The following RHOH variants were observed in gnomAD, a reference collection of about 807,000 sequenced individuals.
The protein encoded by RHOH is rho-related GTP-binding protein RhoH.
RHOH carries 6 observed loss-of-function variants against 13.8 expected under a neutral mutation model. That is an observed-to-expected ratio of 0.44 (90% CI 0.24 to 0.86). RHOH has a LOEUF of 0.86. RHOH is among the 40% of genes least tolerant of loss of function. The pLI is 0.24. For synonymous variants in RHOH, 117 were observed against 103.0 expected (o/e 1.14, Z -0.82); for missense variants, 147 against 244.5 (o/e 0.60, Z 2.66).
chr4:40,244,399 G>C lies in RHOH; in HGVS notation c.*437G>C. 4.4e-6 allele frequency: 1 copy of C among 227,084 alleles called. No homozygotes were observed. Among genetic ancestry groups the C allele is most frequent in the Non-Finnish European group, 9.5e-6 (1 of 105,204 alleles). 14.1% of individuals were successfully genotyped at this position (227,084 alleles called of 1,614,324 possible). On this transcript the variant is annotated 3_prime_UTR_variant, in exon 3 of 3. Transcript: ENST00000381799. ...AAACTCCTCTGTGAGTGAAATGCTT[G>C]TACGAAGCTCTGCCATATGTTTGTA...
intron 1 of RHOH, among the ~76,000 whole-genome samples, chr4:40,219,154 G>C (rs1726232089): frequency 6.6e-6 from 1 of 152,134 alleles, no homozygotes; most frequent in Non-Finnish European, 1.5e-5. Flanking sequence ...GCTCACGCCT[G>C]TAATCCTAGC....
intron 1 of RHOH, among the ~76,000 whole-genome samples, chr4:40,234,760 T>G (rs961445276): frequency 2.0e-5 from 3 of 146,500 alleles, no homozygotes; most frequent in Admixed American, 6.9e-5. Flanking sequence ...TTTTTTTTTT[T>G]TTTTTTTTTT....
In RHOH at chr4:40,244,156, C is replaced by A. The variant is rs1374961784; in HGVS notation, c.*194C>A. 4.3e-6 allele frequency: 2 copies of A among 467,208 alleles called. No homozygotes were observed. The highest frequency in any genetic ancestry group is 6.5e-5 in the East Asian group (2 of 30,768). The allele number at this position is 467,208 out of a possible 1,614,324, so 28.9% of individuals were successfully genotyped here. A position where few individuals can be genotyped will look rare whatever the true frequency, so the allele number is the denominator to read the frequency against. On this transcript the variant is annotated 3_prime_UTR_variant, in exon 3 of 3. Transcript: ENST00000381799. Reference sequence around the variant, plus strand: ...CTACACTCTACAAGTGAACTCCTTGCCCAGGCCAGTTAGAAAATCCCTTGG... The same window carrying A: ...CTACACTCTACAAGTGAACTCCTTGACCAGGCCAGTTAGAAAATCCCTTGG...
intron 1 of RHOH, among the ~76,000 whole-genome samples, chr4:40,225,317 C>T (rs1038828856): frequency 6.6e-6 from 1 of 152,058 alleles, no homozygotes; most frequent in African/African-American, 2.4e-5. Context: ...AACTCCTGGC[C>T]TTGAGCAATC....
intron 1 of RHOH, among the ~76,000 whole-genome samples, chr4:40,217,540 C>T (rs919368724): frequency 1.1e-4 from 17 of 152,202 alleles, no homozygotes; most frequent in African/African-American, 2.6e-4. Context: ...ATCAGGATTA[C>T]GTTGCACATA....
chr4:40,228,571 G>T lies in RHOH; in HGVS notation c.-330-14143G>T, dbSNP rs781591389. Among the ~76,000 whole-genome samples the T allele has an allele frequency of 9.9e-5, 15 of 152,170 alleles. 1 individual carries two copies. Among genetic ancestry groups the T allele is most frequent in the East Asian group, 5.8e-4 (3 of 5,176 alleles). ...GGTTGGTGGTTCTGGGGTTGGGGAT[G>T]GGGGGAACCTTGAGATGTGATGGTT... On this transcript the variant is annotated intron_variant, in intron 1 of 2. Transcript: ENST00000381799.
chr4:40,213,378 C>G (rs982548922), intron 1 of RHOH, among the ~76,000 whole-genome samples: 10 of 148,734 alleles, frequency 6.7e-5, no homozygotes, highest in African/African-American at 2.5e-4. Context: ...TTTTTTCTCT[C>G]TCTCTCTCTC....
chr4:40,199,203 T>C (rs1723630282), intron 1 of RHOH, among the ~76,000 whole-genome samples: 1 of 152,054 alleles, frequency 6.6e-6, no homozygotes, highest in Admixed American at 6.5e-5. Flanking sequence ...TAAAAATATG[T>C]AAAGCATGTA....
rs1398653997 is a variant in RHOH at position 40,243,464 on chromosome 4, C to T, written c.78C>T (p.Ser26=). The change falls in exon 3 of 3, where the codon TCC becomes TCT. Residue 26 remains serine, a synonymous_variant. Transcript: ENST00000381799. This position sits in a 1 kb window ranked among gnomAD's most constrained non-coding sequence, Gnocchi z 6.2. ...CCTCTCTGTTGGTGCGCTTCACCTC[C>T]GAGACCTTCCCGGAGGCCTACAAGC... is the stretch of plus-strand genomic sequence containing the variant. The part of the protein sequence containing the change: ...GKTSLLVRFT[S]ETFPEAYKPT... 24 of 1,613,790 alleles carry T rather than the reference C, an allele frequency of 1.5e-5. No homozygotes were observed. Among genetic ancestry groups the T allele is most frequent in the East Asian group, 2.2e-5 (1 of 44,880 alleles).
intron 1 of RHOH, among the ~76,000 whole-genome samples, chr4:40,205,032 G>A (rs944072519): frequency 1.3e-5 from 2 of 152,110 alleles, no homozygotes; most frequent in Non-Finnish European, 2.9e-5. Flanking sequence ...GGAGGCCGAG[G>A]CAGGCAGATC....
At chr4:40,241,194 G>A (rs1381653100) in intron 1 of RHOH, among the ~76,000 whole-genome samples, 2 of 152,160 alleles carry the variant, frequency 1.3e-5, no homozygotes, top group East Asian at 1.9e-4. Context: ...CCATGACCAC[G>A]GTGTGTGACA....
At position 40,243,512 on chromosome 4, in the gene RHOH, G is replaced by C. The variant is rs1020998291; in HGVS notation, c.126G>C (p.Gly42=). ...AYKPTVYENT[G]VDVFMDGIQI... is the part of the protein sequence containing the mutation. ...AGCCCACAGTGTACGAGAACACAGG[G>C]GTGGACGTCTTCATGGATGGCATCC... The change falls in exon 3 of 3, where the codon GGG becomes GGC. Residue 42 remains glycine (G), a synonymous_variant. Coordinates refer to ENST00000381799, the MANE Select transcript of RHOH (RefSeq NM_004310.5). The surrounding 1 kb of genome is among the most constrained non-coding windows in gnomAD (Gnocchi z 6.2). The C allele has an allele frequency of 3.1e-6, 5 of 1,613,952 alleles. 1 individual carries two copies. The South Asian group carries it at 5.5e-5, about 18-fold the overall frequency.
At chr4:40,225,199 C>T (rs1454121539) in intron 1 of RHOH, among the ~76,000 whole-genome samples, 4 of 152,138 alleles carry the variant, frequency 2.6e-5, no homozygotes, top group Non-Finnish European at 5.9e-5. Flanking sequence ...GCAACCTCCA[C>T]CTCCCAGGTT....
rs1421737115 is a variant in RHOH, at chr4:40,245,279, G to T, written c.*1317G>T. 2.0e-5 allele frequency: 3 copies of T among 152,212 alleles called. No individual in the cohort carries two copies. The highest frequency in any genetic ancestry group is 4.4e-5 in the Non-Finnish European group (3 of 68,072). The allele number at this position is 152,212 out of a possible 1,614,324, so 9.4% of individuals were successfully genotyped here. A position where few individuals can be genotyped will look rare whatever the true frequency, so the allele number is the denominator to read the frequency against. On this transcript the variant is annotated 3_prime_UTR_variant, in exon 3 of 3. Transcript: ENST00000381799. ...AATTGCAAAGGCTGGGTTGGGCAGG[G>T]CGTGGTGGCTCACTTTGGGAGGCTG...
At chr4:40,241,762 C>T (rs1335595908) in intron 1 of RHOH, among the ~76,000 whole-genome samples, 2 of 151,968 alleles carry the variant, frequency 1.3e-5, no homozygotes, top group Non-Finnish European at 1.5e-5. Context: ...TGGTGGCACA[C>T]ACATGTAGTC....
intron 1 of RHOH, among the ~76,000 whole-genome samples, chr4:40,221,730 T>C (rs1322784834): frequency 6.6e-6 from 1 of 152,212 alleles, no homozygotes; most frequent in Non-Finnish European, 1.5e-5. Flanking sequence ...AAACCTATAA[T>C]GGCCTCTCAG....
At chr4:40,192,134 T>C (rs903288435), upstream of RHOH, among the ~76,000 whole-genome samples, 16 of 152,210 alleles carry the variant, frequency 1.1e-4, no homozygotes, top group African/African-American at 3.9e-4. Context: ...AATCTCTCAA[T>C]CAGAAAGAAA....
In RHOH at chr4:40,244,087, G is replaced by T. The variant is rs993798302; in HGVS notation, c.*125G>T. The T allele has an allele frequency of 6.7e-5, 50 of 747,748 alleles. No homozygotes were observed. Among genetic ancestry groups the T allele is most frequent in the Non-Finnish European group, 1.0e-4 (48 of 460,118 alleles). 46.3% of individuals were successfully genotyped at this position (747,748 alleles called of 1,614,324 possible). Reference sequence around the variant, plus strand: ...ACACCCCAAGCAGCGTCTCCTTTTGGATACAGTTATTGATGAGGCTTGGCC... The same window carrying T: ...ACACCCCAAGCAGCGTCTCCTTTTGTATACAGTTATTGATGAGGCTTGGCC... On this transcript the variant is annotated 3_prime_UTR_variant, in exon 3 of 3. Coordinates refer to ENST00000381799, the MANE Select transcript of RHOH (RefSeq NM_004310.5).
intron 1 of RHOH, among the ~76,000 whole-genome samples, chr4:40,239,169 A>T (rs1483119337): frequency 6.6e-6 from 1 of 152,202 alleles, no homozygotes; most frequent in Non-Finnish European, 1.5e-5. Context: ...GCAGGTAATA[A>T]ATGTTCCTAC....
Sources: allele counts gnomAD v4.1 joint callset (sites outside exome capture counted in the v4.1 genomes callset), GRCh38; gene constraint gnomAD v4.1.1; non-coding constraint Gnocchi (gnomAD v3.1); transcripts MANE v1.5; gene names NCBI Gene and HGNC (gene_info 2026-07-23, HGNC 2026-07-21).